MNDA: variants seen among roughly 807,000 people sequenced by gnomAD.
MNDA encodes the protein myeloid cell nuclear differentiation antigen.
A neutral mutation model predicts 37.8 loss-of-function variants in MNDA; 43 were observed. That is an observed-to-expected ratio of 1.14 (90% CI 0.89 to 1.47). MNDA has a LOEUF of 1.47. Among genes scored for constraint, MNDA ranks in the 40% most tolerant of loss-of-function variants. The pLI is 0.00. For missense variants in MNDA, 536 were observed against 476.0 expected (o/e 1.13, Z -1.17); for synonymous variants, 181 against 169.0 (o/e 1.07, Z -0.55).
chr1:158,846,917 G>A (rs1659145523), intron 5 of MNDA, among the ~76,000 whole-genome samples: 1 of 152,180 alleles, frequency 6.6e-6, no homozygotes, highest in Non-Finnish European at 1.5e-5. Flanking sequence ...ACACTACAGA[G>A]TATGAATGGA....
At position 158,842,290 on chromosome 1, in the gene MNDA, T is replaced by C; in HGVS notation, c.137T>C (p.Ile46Thr). The C allele has an allele frequency of 6.2e-7, 1 of 1,614,168 alleles. No homozygotes were observed. Among genetic ancestry groups the C allele is most frequent in the Non-Finnish European group, 8.5e-7 (1 of 1,180,006 alleles). Residue 46 changes from isoleucine to threonine, a missense_variant, in exon 2 of 7, where the codon ATT (isoleucine) becomes ACT (threonine). Physicochemically the swap from Ile to Thr is moderately conservative, Grantham distance 89 (BLOSUM62 -1). Transcript: ENST00000368141. Reference sequence around the variant, plus strand: ...AAAATGCAAGAGGAATACAACAGAATTAAGATTACAGATTTGATGGAAAAA... The same window carrying C: ...AAAATGCAAGAGGAATACAACAGAACTAAGATTACAGATTTGATGGAAAAA... The part of the protein sequence containing the change: ...TTKMQEEYNR[I>T]KITDLMEKKF...
chr1:158,846,966 T>G (rs1558058568), intron 5 of MNDA, among the ~76,000 whole-genome samples: 4 of 152,226 alleles, frequency 2.6e-5, no homozygotes, highest in Non-Finnish European at 4.4e-5. Flanking sequence ...TGGAAAAGAA[T>G]AAGTAATGAG....
intron 1 of MNDA, among the ~76,000 whole-genome samples, chr1:158,839,943 A>C (rs550736714): frequency 2.0e-5 from 3 of 152,218 alleles, no homozygotes; most frequent in Non-Finnish European, 2.9e-5. Flanking sequence ...CATAACATTC[A>C]AATAACATTT....
chr1:158,837,903 G>C (rs1658951291), intron 1 of MNDA, among the ~76,000 whole-genome samples: 1 of 150,942 alleles, frequency 6.6e-6, no homozygotes, highest in East Asian at 1.9e-4. Context: ...GTCATCATCA[G>C]GTTGCATATG....
chr1:158,843,170 G>A (rs558345685), intron 2 of MNDA, 109 bp from the exon 3 acceptor site: 67 of 1,392,308 alleles, frequency 4.8e-5, no homozygotes, highest in South Asian at 3.7e-4. Context: ...AGGCAAATCC[G>A]AACTCTCATG....
At chr1:158,843,451 A>G (rs748315225) in intron 3 of MNDA, 36 bp downstream of exon 3, 3 of 1,552,188 alleles carry the variant, frequency 1.9e-6, no homozygotes, top group African/African-American at 1.4e-5. Flanking sequence ...CTGAAGCCTC[A>G]CAGAAGATAC....
intron 1 of MNDA, among the ~76,000 whole-genome samples, chr1:158,834,759 TC>T (rs1658874199): frequency 6.6e-6 from 1 of 152,198 alleles, no homozygotes; most frequent in Non-Finnish European, 1.5e-5. Flanking sequence ...TAGTTTTAAT[TC>T]CTACATTTAG....
intron 1 of MNDA, among the ~76,000 whole-genome samples, chr1:158,838,194 A>G (rs1225174385): frequency 6.6e-6 from 1 of 152,020 alleles, no homozygotes; most frequent in Admixed American, 6.5e-5. Context: ...ACATTTTTGT[A>G]TGAGTTTGAG....
intron 2 of MNDA, 92 bp from the exon 3 acceptor site, chr1:158,843,187 C>T: frequency 6.8e-7 from 1 of 1,460,210 alleles, no homozygotes; most frequent in Non-Finnish European, 9.2e-7. Context: ...CATGCAGGAG[C>T]TGACAGCAGG....
chr1:158,845,301 G>A (rs1659110701), intron 4 of MNDA, among the ~76,000 whole-genome samples: 2 of 152,048 alleles, frequency 1.3e-5, no homozygotes, highest in Non-Finnish European at 2.9e-5. Context: ...GCAGTGGTGC[G>A]ATCTGGTCTC....
chr1:158,837,605 C>T (rs1224807022), intron 1 of MNDA, among the ~76,000 whole-genome samples: 4 of 151,602 alleles, frequency 2.6e-5, no homozygotes, highest in South Asian at 2.1e-4. Context: ...GTAAAATGAG[C>T]CTCTTGTATG....
intron 1 of MNDA, among the ~76,000 whole-genome samples, chr1:158,837,149 C>T (rs772706414): frequency 1.3e-5 from 2 of 151,700 alleles, no homozygotes; most frequent in African/African-American, 4.8e-5. Context: ...TCCATATGTT[C>T]GTGTGAAAAA....
intron 5 of MNDA, among the ~76,000 whole-genome samples, chr1:158,847,399 G>T (rs1036756684): frequency 6.6e-6 from 1 of 152,078 alleles, no homozygotes; most frequent in African/African-American, 2.4e-5. Context: ...TTTTCCACAG[G>T]ACCATGAGCC....
At position 158,845,662 on chromosome 1, in the gene MNDA, G is replaced by A. The variant is rs766581596; in HGVS notation, c.646G>A (p.Val216Ile). ...VPQNDPVTVV[V>I]LKATAPFKYE... ...CCAAAACGACCCAGTGACAGTGGTGGTACTGAAAGCAACAGCGCCATTTAA... is the reference window on the plus strand; with the variant it reads ...CCAAAACGACCCAGTGACAGTGGTGATACTGAAAGCAACAGCGCCATTTAA... The change falls in exon 5 of 7, where the codon GTA becomes ATA. Residue 216 changes from valine (V) to isoleucine (I), a missense_variant. Physicochemically the swap from Val to Ile is conservative, Grantham distance 29. Coordinates refer to ENST00000368141, the MANE Select transcript of MNDA (RefSeq NM_002432.3). 1.2e-6 allele frequency: 2 copies of A among 1,614,088 alleles called. No individual in the cohort carries two copies. The highest frequency in any genetic ancestry group is 2.7e-5 in the African/African-American group (2 of 75,030).
At chr1:158,847,322 A>T (rs1307342194) in intron 5 of MNDA, among the ~76,000 whole-genome samples, 2 of 152,228 alleles carry the variant, frequency 1.3e-5, no homozygotes, top group African/African-American at 4.8e-5. Flanking sequence ...TTTAAAAATT[A>T]AAATAATAAT....
chr1:158,848,167 A>G (rs893952231), intron 6 of MNDA, among the ~76,000 whole-genome samples: 2 of 152,196 alleles, frequency 1.3e-5, no homozygotes, highest in Middle Eastern at 3.2e-3. Context: ...CAGGGAACAT[A>G]GGGCTCAAGA....
At chr1:158,835,524 A>G (rs1658890171) in intron 1 of MNDA, among the ~76,000 whole-genome samples, 1 of 149,824 alleles carries the variant, frequency 6.7e-6, no homozygotes, top group Non-Finnish European at 1.5e-5. Flanking sequence ...CTTTCCACAT[A>G]TAAGATCATA....
intron 5 of MNDA, 151 bp downstream of exon 5, chr1:158,846,154 T>A: frequency 1.3e-6 from 1 of 769,488 alleles, no homozygotes; most frequent in Non-Finnish European, 2.0e-6. Context: ...GAAATAGGAC[T>A]AAGTGACCTA....
rs35478817 is a variant in MNDA at position 158,845,832 on chromosome 1, T to C, written c.816T>C (p.Ser272=). The C allele has an allele frequency of 1.2e-5, 20 of 1,614,128 alleles. No homozygotes were observed. In the African/African-American group the frequency reaches 2.7e-4, roughly 22 times the overall value. Residue 272 remains serine, a synonymous_variant, in exon 5 of 7, where the codon TCT becomes TCC. Transcript: ENST00000368141. The part of the protein sequence containing the change: ...RKKVITISDY[S]ECKGVMEIKE... ...AGGTCATTACCATATCTGATTACTC[T>C]GAATGTAAAGGAGTAATGGAAATAA... is the stretch of plus-strand genomic sequence containing the variant.
Sources: allele counts gnomAD v4.1 joint callset (sites outside exome capture counted in the v4.1 genomes callset), GRCh38; gene constraint gnomAD v4.1.1; transcripts MANE v1.5; gene names NCBI Gene and HGNC (gene_info 2026-07-23, HGNC 2026-07-21).